Variants in ADRA1A observed in about 807,000 individuals in gnomAD.
ADRA1A encodes adrenoceptor alpha 1A, also known as alpha-1A adrenergic receptor.
ADRA1A carries 31 observed loss-of-function variants against 29.6 expected under a neutral mutation model. The ratio of observed to expected loss-of-function variants is 1.05; its 90% confidence interval spans 0.79 to 1.41. The LOEUF (loss-of-function observed/expected upper bound fraction) is 1.41. Ranked by LOEUF, ADRA1A falls within the 40% of genes most tolerant of loss-of-function variation. The pLI is 0.00. For missense variants in ADRA1A, 619 were observed against 601.1 expected, an observed-to-expected ratio of 1.03 and a Z score of -0.31; for synonymous variants, 311 against 254.3, an observed-to-expected ratio of 1.22 and a Z score of -2.12.
intron 2 of ADRA1A, among the ~76,000 whole-genome samples, chr8:26,791,059 C>A (rs7828294): frequency 0.34 from 51,253 of 151,810 alleles, 9,951 homozygotes; most frequent in East Asian, 0.84. Context: ...AGAAATAAGA[C>A]CAGATTTTAA....
rs1810518680 is a variant in ADRA1A, at chr8:26,825,869, C to T, written c.883+38218G>A. Among the ~76,000 whole-genome samples the T allele has an allele frequency of 6.6e-6, 1 of 152,226 alleles. No individual in the cohort carries two copies. The highest frequency in any genetic ancestry group is 1.5e-5 in the Non-Finnish European group (1 of 68,046). ...AAAATCGACTTCCAAGTTCTGCGCA[C>T]TGGTGTTTGCATGAGGACATGAGCC... On this transcript the variant is annotated intron_variant, in intron 2 of 2. Coordinates refer to ENST00000380573, the MANE Select transcript of ADRA1A (RefSeq NM_000680.4). The surrounding 1 kb of genome is among the most constrained non-coding windows in gnomAD (Gnocchi z 5.7).
downstream of ADRA1A, among the ~76,000 whole-genome samples, chr8:26,756,045 A>G (rs1308091957): frequency 6.6e-6 from 1 of 152,236 alleles, no homozygotes; most frequent in African/African-American, 2.4e-5. Flanking sequence ...CTTGCCTGCC[A>G]TTCTTATTTC....
chr8:26,817,010 A>C (rs1809818234), intron 2 of ADRA1A, among the ~76,000 whole-genome samples: 1 of 152,258 alleles, frequency 6.6e-6, no homozygotes, highest in Non-Finnish European at 1.5e-5. Context: ...CTCCAAAAGC[A>C]TGACCCATAA....
chr8:26,862,127 T>C (rs1024221738), intron 2 of ADRA1A, among the ~76,000 whole-genome samples: 4 of 152,198 alleles, frequency 2.6e-5, no homozygotes, highest in Non-Finnish European at 4.4e-5. Flanking sequence ...AATCTCTTCT[T>C]GAACTTGACT....
At position 26,866,480 on chromosome 8, in the gene ADRA1A, C is replaced by T. The variant is rs1307682052; in HGVS notation, c.-687+456G>A. Among the ~76,000 whole-genome samples, 2 of 152,140 alleles carry T rather than the reference C, an allele frequency of 1.3e-5. No homozygotes were observed. Among genetic ancestry groups the T allele is most frequent in the Non-Finnish European group, 2.9e-5 (2 of 68,036 alleles). ...CCGGCATGCCAGCGGGCAGGGGCCG[C>T]CTTCGATTTTCTGGGCTGGGGGCCA... On this transcript the variant is annotated intron_variant, in intron 1 of 2. Transcript: ENST00000380573. This position sits in a 1 kb window ranked among gnomAD's most constrained non-coding sequence, Gnocchi z 5.7.
chr8:26,820,002 A>G (rs1046530618), intron 2 of ADRA1A, among the ~76,000 whole-genome samples: 2 of 152,212 alleles, frequency 1.3e-5, no homozygotes, highest in African/African-American at 4.8e-5. Flanking sequence ...CTGTCACCAC[A>G]GAAAAAAAGG....
chr8:26,763,568 G>T (rs1361287762), downstream of ADRA1A, among the ~76,000 whole-genome samples: 2 of 151,788 alleles, frequency 1.3e-5, no homozygotes, highest in Admixed American at 1.3e-4. The surrounding 1 kb of genome is among the most constrained non-coding windows in gnomAD (Gnocchi z 4.5). Flanking sequence ...TTTGAATATG[G>T]ACTTGCCACT....
chr8:26,814,857 T>G (rs556681174), intron 2 of ADRA1A, among the ~76,000 whole-genome samples: 2 of 152,322 alleles, frequency 1.3e-5, no homozygotes, highest in South Asian at 4.1e-4. Flanking sequence ...CATTAGTCCT[T>G]GTCATTTAAG....
chr8:26,828,692 T>A (rs1315857266), intron 2 of ADRA1A, among the ~76,000 whole-genome samples: 1 of 152,214 alleles, frequency 6.6e-6, no homozygotes, highest in East Asian at 1.9e-4. Context: ...AGGATCACAT[T>A]CTCTGTCGAA....
In ADRA1A at chr8:26,770,300, G is replaced by T. The variant is rs777034772; in HGVS notation, c.1250C>A (p.Ser417Tyr). 4 of 1,614,088 alleles carry T rather than the reference G, an allele frequency of 2.5e-6. No individual in the cohort carries two copies. The highest frequency in any genetic ancestry group is 3.4e-6 in the Non-Finnish European group (4 of 1,180,044). ...SARITVSKDQSSCTTARVRSK... is the reference protein window; with the variant it reads ...SARITVSKDQYSCTTARVRSK... ...TCTCACCCGGGCTGTGGTACAGGAG[G>T]ATTGGTCTTTGGACACTGTAATCCT... The change falls in exon 3 of 3, where the codon TCC becomes TAC. Residue 417 changes from serine to tyrosine, a missense_variant. Transcript: ENST00000380573.
At position 26,860,840 on chromosome 8, in the gene ADRA1A, A is replaced by G. The variant is rs1813397693; in HGVS notation, c.883+3247T>C. On this transcript the variant is annotated intron_variant, in intron 2 of 2. Coordinates refer to ENST00000380573, the MANE Select transcript of ADRA1A (RefSeq NM_000680.4). The surrounding 1 kb of genome is among the most constrained non-coding windows in gnomAD (Gnocchi z 4.7). ...TGCCTCTCTCTATCCCATCGTTCCC[A>G]TCAGAATATAAATATCATGTCATAT... Among the ~76,000 whole-genome samples the G allele has an allele frequency of 6.6e-6, 1 of 152,026 alleles. No homozygotes were observed.
chr8:26,757,022 C>T (rs913841864), intron 2 of ADRA1A: 1 of 711,090 alleles, frequency 1.4e-6, no homozygotes, highest in African/African-American at 1.7e-5. Flanking sequence ...TGCTTTTGGT[C>T]TTCTTTCTCC....
At chr8:26,791,233 T>C (rs933693305) in intron 2 of ADRA1A, among the ~76,000 whole-genome samples, 1 of 152,214 alleles carries the variant, frequency 6.6e-6, no homozygotes, top group Non-Finnish European at 1.5e-5. Flanking sequence ...CTAATTTGAA[T>C]ATTTTGGTTA....
In ADRA1A at chr8:26,813,743, ATTATT is replaced by A. The variant is rs563903138; in HGVS notation, c.884-43082_884-43078del. 4.1e-3 allele frequency among the ~76,000 whole-genome samples: 616 copies of A among 152,050 alleles called. 3 individuals carry two copies. The highest frequency in any genetic ancestry group is 6.8e-3 in the Middle Eastern group (2 of 294). ...TTTTGATAAGGTGGCATTTTTTCTC[ATTATT>A]TTATTTCCCATTTTTTTAAGCTTTT... On this transcript the variant is annotated intron_variant, in intron 2 of 2. Coordinates refer to ENST00000380573, the MANE Select transcript of ADRA1A (RefSeq NM_000680.4).
intron 2 of ADRA1A, among the ~76,000 whole-genome samples, chr8:26,837,825 A>G (rs750025009): frequency 3.3e-5 from 5 of 152,208 alleles, no homozygotes; most frequent in Admixed American, 6.5e-5. Flanking sequence ...AGAAGGCTCA[A>G]TGAGTAGAAG....
At position 26,787,707 on chromosome 8, in the gene ADRA1A, C is replaced by A. The variant is rs544349823; in HGVS notation, c.884-17041G>T. On this transcript the variant is annotated intron_variant, in intron 2 of 2. Coordinates refer to ENST00000380573, the MANE Select transcript of ADRA1A (RefSeq NM_000680.4). The surrounding 1 kb of genome is among the most constrained non-coding windows in gnomAD (Gnocchi z 4.2). ...TTGTTCCCCAGGGAGGAAATCCCGA[C>A]AGCTCACTTGGTAGTTCAGGGATGA... Among the ~76,000 whole-genome samples, 5 of 152,192 alleles carry A rather than the reference C, an allele frequency of 3.3e-5. No homozygotes were observed. Among genetic ancestry groups the A allele is most frequent in the South Asian group, 2.1e-4 (1 of 4,804 alleles).
At chr8:26,767,430 A>C (rs1310189835), downstream of ADRA1A, among the ~76,000 whole-genome samples, 1 of 152,162 alleles carries the variant, frequency 6.6e-6, no homozygotes, top group Non-Finnish European at 1.5e-5. Context: ...CCCCACTTTG[A>C]CTAAGTTTTG....
At chr8:26,812,771 T>G (rs2130548617) in intron 2 of ADRA1A, among the ~76,000 whole-genome samples, 1 of 151,848 alleles carries the variant, frequency 6.6e-6, no homozygotes, top group South Asian at 2.1e-4. Context: ...TTCACGCCAT[T>G]CTCCTGCCTC....
At position 26,821,589 on chromosome 8, in the gene ADRA1A, A is replaced by C. The variant is rs1053697390; in HGVS notation, c.883+42498T>G. ...AACACGAGATTTGGAGGGGGCAAACATTCAAACCACATTACCAGGTTTCAT... is the reference window on the plus strand; with the variant it reads ...AACACGAGATTTGGAGGGGGCAAACCTTCAAACCACATTACCAGGTTTCAT... On this transcript the variant is annotated intron_variant, in intron 2 of 2. Coordinates refer to ENST00000380573, the MANE Select transcript of ADRA1A (RefSeq NM_000680.4). This position sits in a 1 kb window ranked among gnomAD's most constrained non-coding sequence, Gnocchi z 5.6. Among the ~76,000 whole-genome samples the C allele has an allele frequency of 2.6e-5, 4 of 152,296 alleles. No individual in the cohort carries two copies. Among genetic ancestry groups the C allele is most frequent in the Non-Finnish European group, 5.9e-5 (4 of 68,024 alleles).
Sources: gnomAD v4.1 joint callset for allele counts (sites outside exome capture counted in the v4.1 genomes callset) on GRCh38, gnomAD v4.1.1 for gene constraint, Gnocchi (gnomAD v3.1) non-coding constraint, MANE v1.5 for transcripts, NCBI Gene and HGNC (gene_info 2026-07-23, HGNC 2026-07-21) for gene names.